The following FAM76B variants were observed in gnomAD, a reference collection of about 807,000 sequenced individuals.
The protein encoded by FAM76B is protein FAM76B.
Under a neutral mutation model 51.8 loss-of-function variants are expected in FAM76B, and 16 were observed. That is an observed-to-expected ratio of 0.31 (90% CI 0.21 to 0.47). The LOEUF (loss-of-function observed/expected upper bound fraction) is 0.47, where lower values mean the gene tolerates loss of function less well. Among genes scored for constraint, FAM76B ranks in the 20% least tolerant of loss-of-function variants. The pLI, the probability that FAM76B is intolerant of heterozygous loss-of-function variation, is 1.00. For missense variants in FAM76B, 342 were observed against 392.6 expected, an observed-to-expected ratio of 0.87 and a Z score of 1.09; for synonymous variants, 166 against 129.5, an observed-to-expected ratio of 1.28 and a Z score of -1.91.
intron 1 of FAM76B, 186 bp from the exon 2 acceptor site, chr11:95,788,749 A>C: frequency 1.5e-6 from 2 of 1,330,326 alleles, no homozygotes; most frequent in Non-Finnish European, 2.0e-6. Flanking sequence ...GGGAAGGCAC[A>C]GGTGTCTTTG....
At chr11:95,787,176 G>T (rs1410298485) in intron 3 of FAM76B, among the ~76,000 whole-genome samples, 1 of 151,990 alleles carries the variant, frequency 6.6e-6, no homozygotes, top group Non-Finnish European at 1.5e-5. Context: ...TTCCATCAAA[G>T]TATCTATAGA....
rs571693912 is a variant in FAM76B at position 95,788,691 on chromosome 11, A to C, written c.88-128T>G. ...TATAAAACCTGGCCCCAACGTAAAGAACTGGATGCTTTATCATATAAGTGG... is the reference window on the plus strand; with the variant it reads ...TATAAAACCTGGCCCCAACGTAAAGCACTGGATGCTTTATCATATAAGTGG... On this transcript the variant is annotated intron_variant, in intron 1 of 9. Coordinates refer to ENST00000358780, the MANE Select transcript of FAM76B (RefSeq NM_144664.5). 6,307 of 1,218,480 alleles carry C rather than the reference A, an allele frequency of 5.2e-3. 25 individuals are homozygous for C. Among genetic ancestry groups the C allele is most frequent in the Non-Finnish European group, 6.1e-3 (5,366 of 884,524 alleles). The allele number at this position is 1,218,480 out of a possible 1,614,324, so 75.5% of individuals were successfully genotyped here.
chr11:95,778,790 T>C lies in FAM76B; in HGVS notation c.828+32A>G, dbSNP rs751983278. ...TATCAAGCAACAGTCAACACATAAC[T>C]CTTACCAGGCTTCAATGAACCATGT... is the stretch of plus-strand genomic sequence containing the variant. On this transcript the variant is annotated intron_variant, in intron 8 of 9. Transcript: ENST00000358780. The C allele has an allele frequency of 5.7e-6, 9 of 1,569,284 alleles. No homozygotes were observed. The South Asian group carries it at 9.6e-5, about 17-fold the overall frequency.
Position 95,770,666 on chromosome 11 carries a change from CAG to C in FAM76B, c.*893_*894del. 1 of 151,682 alleles carries C rather than the reference CAG, an allele frequency of 6.6e-6. No individual in the cohort carries two copies. The highest frequency in any genetic ancestry group is 6.6e-5 in the Admixed American group (1 of 15,154). The allele number at this position is 151,682 out of a possible 1,614,324, so 9.4% of individuals were successfully genotyped here. ...AAGACCAACAGCTTCCCTTATCACACAGAAACAAATCACAAAATTTTCTACAA... is the reference window on the plus strand; with the variant it reads ...AAGACCAACAGCTTCCCTTATCACACAAACAAATCACAAAATTTTCTACAA... On this transcript the variant is annotated 3_prime_UTR_variant, in exon 10 of 10. Transcript: ENST00000358780.
intron 5 of FAM76B, among the ~76,000 whole-genome samples, chr11:95,782,529 T>C (rs565598431): frequency 2.0e-5 from 3 of 152,108 alleles, no homozygotes; most frequent in Non-Finnish European, 4.4e-5. Context: ...GTAGAGTTCC[T>C]AAATATATGT....
rs878911307 is a variant in FAM76B at position 95,770,544 on chromosome 11, T to C, written c.*1017A>G. 3 of 151,696 alleles carry C rather than the reference T, an allele frequency of 2.0e-5. No individual in the cohort carries two copies. In the Admixed American group the frequency reaches 2.0e-4, roughly 10 times the overall value. 9.4% of individuals were successfully genotyped at this position (151,696 alleles called of 1,614,324 possible). ...AAACATGTAACTCACACAATACTAA[T>C]ATGAAGCCACATGACATAAAAAATA... On this transcript the variant is annotated 3_prime_UTR_variant, in exon 10 of 10. Coordinates refer to ENST00000358780, the MANE Select transcript of FAM76B (RefSeq NM_144664.5).
At chr11:95,789,030 G>T (rs1860794728) in intron 1 of FAM76B, 5 of 1,377,944 alleles carry the variant, frequency 3.6e-6, no homozygotes, top group Admixed American at 4.4e-5. Context: ...CTGCCTCCTG[G>T]TGGAAGAAGA....
intron 9 of FAM76B, 166 bp downstream of exon 9, chr11:95,775,756 A>T (rs1026279782): frequency 1.5e-5 from 6 of 392,928 alleles, no homozygotes; most frequent in Non-Finnish European, 2.7e-5. Flanking sequence ...TCAAACAATA[A>T]CTTCTAATGA....
rs919585950 is a variant in FAM76B, at chr11:95,784,571, T to TACACAC, written c.364-1313_364-1308dup. 2.9e-3 allele frequency among the ~76,000 whole-genome samples: 424 copies of TACACAC among 148,046 alleles called. 4 individuals are homozygous for TACACAC. Among genetic ancestry groups the TACACAC allele is most frequent in the African/African-American group, 0.01 (401 of 39,590 alleles). On this transcript the variant is annotated intron_variant, in intron 4 of 9. Transcript: ENST00000358780. ...AATCGACAGTGTGTGTGTGTATATATACACACACACACACACACACAATTT... is the reference window on the plus strand; with the variant it reads ...AATCGACAGTGTGTGTGTGTATATATACACACACACACACACACACACACACAATTT...
chr11:95,783,187 C>T lies in FAM76B; in HGVS notation c.441G>A (p.Lys147=). 1 of 1,613,950 alleles carries T rather than the reference C, an allele frequency of 6.2e-7. No individual in the cohort carries two copies. Among genetic ancestry groups the T allele is most frequent in the Non-Finnish European group, 8.5e-7 (1 of 1,179,924 alleles). ...RVLQKTKEQR[K]SLGSSHSNSS... ...AATTTGAATGTGAAGATCCCAGGCT[C>T]TTCCTTTGTTCTTTCGTCTTCTGTA... Residue 147 remains lysine, a synonymous_variant, in exon 5 of 10, where the codon AAG becomes AAA. Coordinates refer to ENST00000358780, the MANE Select transcript of FAM76B (RefSeq NM_144664.5).
chr11:95,777,294 T>C (rs1860053628), intron 8 of FAM76B, among the ~76,000 whole-genome samples: 2 of 151,336 alleles, frequency 1.3e-5, no homozygotes, highest in Non-Finnish European at 3.0e-5. Context: ...CTTACAACAA[T>C]GCTAATTTCA....
At position 95,789,524 on chromosome 11, in the gene FAM76B, G is replaced by A. The variant is rs1017382827; in HGVS notation, c.-46C>T. The A allele has an allele frequency of 1.3e-6, 2 of 1,529,512 alleles. No homozygotes were observed. The highest frequency in any genetic ancestry group is 1.8e-6 in the Non-Finnish European group (2 of 1,128,950). The allele number at this position is 1,529,512 out of a possible 1,614,324, so 94.7% of individuals were successfully genotyped here. ...TCCGCCGCCGCCCGCTCCGAGGCGG[G>A]GCCCTACGGAGAACCCGAGAGCCGC... On this transcript the variant is annotated 5_prime_UTR_variant, in exon 1 of 10. Transcript: ENST00000358780.
At chr11:95,779,171 G>T (rs1395893628) in intron 7 of FAM76B, 3 of 1,551,508 alleles carry the variant, frequency 1.9e-6, no homozygotes, top group Non-Finnish European at 2.6e-6. Flanking sequence ...CTTTAAGGGG[G>T]TCAATACTTC....
At chr11:95,776,929 T>C (rs1046906820) in intron 8 of FAM76B, among the ~76,000 whole-genome samples, 1 of 150,172 alleles carries the variant, frequency 6.7e-6, no homozygotes, top group Non-Finnish European at 1.5e-5. Context: ...TATAGTCTTA[T>C]TAAAAAAAAA....
intron 9 of FAM76B, 105 bp from the exon 10 acceptor site, chr11:95,771,755 C>T (rs1859776914): frequency 2.5e-6 from 2 of 806,070 alleles, no homozygotes; most frequent in Non-Finnish European, 1.9e-6. Flanking sequence ...ATAAATGTTT[C>T]ACTAAAGCAC....
chr11:95,774,240 C>G (rs1438407144), intron 9 of FAM76B, among the ~76,000 whole-genome samples: 1 of 151,390 alleles, frequency 6.6e-6, no homozygotes, highest in Non-Finnish European at 1.5e-5. Context: ...TGTGTGATCA[C>G]AGTTTCCTCT....
In FAM76B at chr11:95,770,828, T is replaced by C. The variant is rs1252093785; in HGVS notation, c.*733A>G. ...TATTAAACATGATTTTAAAACAAAA[T>C]GTATGTACAAAAGATCAGCATTCCT... On this transcript the variant is annotated 3_prime_UTR_variant, in exon 10 of 10. Transcript: ENST00000358780. The C allele has an allele frequency of 1.3e-5, 2 of 151,652 alleles. No individual in the cohort carries two copies. The highest frequency in any genetic ancestry group is 4.8e-5 in the African/African-American group (2 of 41,316). The allele number at this position is 151,652 out of a possible 1,614,324, so 9.4% of individuals were successfully genotyped here. A position where few individuals can be genotyped will look rare whatever the true frequency, so the allele number is the denominator to read the frequency against.
In FAM76B at chr11:95,778,817, C is replaced by T. The variant is rs755651774; in HGVS notation, c.828+5G>A. 26 of 1,596,536 alleles carry T rather than the reference C, an allele frequency of 1.6e-5. No homozygotes were observed. The highest frequency in any genetic ancestry group is 2.2e-5 in the Non-Finnish European group (26 of 1,173,516). On this transcript the variant is annotated splice_donor_5th_base_variant and intron_variant, in intron 8 of 9. Transcript: ENST00000358780. Reference sequence around the variant, plus strand: ...TTACCAGGCTTCAATGAACCATGTTCTTACCTTTTTATCTTTTTCTAAAAT... The same window carrying T: ...TTACCAGGCTTCAATGAACCATGTTTTTACCTTTTTATCTTTTTCTAAAAT...
chr11:95,771,708 T>A, intron 9 of FAM76B, 58 bp from the exon 10 acceptor site: 1 of 1,293,382 alleles, frequency 7.7e-7, no homozygotes, highest in Non-Finnish European at 1.1e-6. Context: ...TAAGTCATGC[T>A]GAAGAATACT....
Sources: allele counts gnomAD v4.1 joint callset (sites outside exome capture counted in the v4.1 genomes callset), GRCh38; gene constraint gnomAD v4.1.1; transcripts MANE v1.5; gene names NCBI Gene and HGNC (gene_info 2026-07-23, HGNC 2026-07-21).